The following RDX variants were observed in gnomAD, a reference collection of about 807,000 sequenced individuals.
RDX encodes the protein radixin.
RDX carries 32 observed loss-of-function variants against 83.7 expected under a neutral mutation model. The ratio of observed to expected loss-of-function variants is 0.38; its 90% CI spans 0.29 to 0.51. The LOEUF is 0.51. RDX is among the 20% of genes least tolerant of loss of function. The pLI is 0.87. For synonymous variants in RDX, 229 were observed against 222.7 expected (o/e 1.03, Z -0.25); for missense variants, 600 against 689.9 (o/e 0.87, Z 1.46).
At chr11:110,252,803 A>C (rs1340152684) in intron 9 of RDX, among the ~76,000 whole-genome samples, 2 of 152,110 alleles carry the variant, frequency 1.3e-5, no homozygotes, top group African/African-American at 4.8e-5. Context: ...TATTTTTAAG[A>C]GAAAGGGTTT....
chr11:110,278,569 T>C (rs1431339589), intron 2 of RDX, among the ~76,000 whole-genome samples: 1 of 152,184 alleles, frequency 6.6e-6, no homozygotes, highest in Middle Eastern at 3.2e-3. Flanking sequence ...CCATTGATTT[T>C]TTTTTAATAC....
rs141697308 is a variant in RDX at position 110,256,171 on chromosome 11, T to C, written c.699-786A>G. On this transcript the variant is annotated intron_variant, in intron 7 of 13. Coordinates refer to ENST00000645495, the MANE Select transcript of RDX (RefSeq NM_002906.4). ...TGTCCTAATAACTAAGACTGAGAAA[T>C]GATTTTGACACCTATACTGGCCAGA... Among the ~76,000 whole-genome samples the C allele has an allele frequency of 9.4e-3, 1,435 of 152,278 alleles. 30 individuals carry two copies. Among genetic ancestry groups the C allele is most frequent in the African/African-American group, 0.033 (1,364 of 41,556 alleles).
At chr11:110,217,082 T>C (rs1044051140) in intron 14 of RDX, among the ~76,000 whole-genome samples, 3 of 152,196 alleles carry the variant, frequency 2.0e-5, no homozygotes, top group Admixed American at 2.0e-4. Flanking sequence ...GGCATTTGCA[T>C]CTACCATCTT....
At chr11:110,223,443 C>T (rs910418706) in intron 14 of RDX, among the ~76,000 whole-genome samples, 2 of 151,894 alleles carry the variant, frequency 1.3e-5, no homozygotes, top group Admixed American at 6.6e-5. Flanking sequence ...GCAGGAGAAT[C>T]GCTTGAACCG....
chr11:110,189,757 T>C (rs1327792204), intron 15 of RDX, among the ~76,000 whole-genome samples: 5 of 152,216 alleles, frequency 3.3e-5, no homozygotes, highest in African/African-American at 4.8e-5. Context: ...TGAATGACTT[T>C]TCAGTAAACA....
chr11:110,272,448 A>G, intron 3 of RDX, 88 bp downstream of exon 3: 1 of 885,408 alleles, frequency 1.1e-6, no homozygotes, highest in Non-Finnish European at 1.9e-6. Flanking sequence ...TTGGATTATC[A>G]GCAAAAGTAC....
At chr11:110,290,808 G>C (rs1257089193) in intron 1 of RDX, among the ~76,000 whole-genome samples, 1 of 148,986 alleles carries the variant, frequency 6.7e-6, no homozygotes, top group Admixed American at 6.7e-5. Context: ...AAACAAGTCA[G>C]CTACGATGTG....
rs886047643 is a variant in RDX, at chr11:110,230,811, C to T, written c.*1058G>A. ...CGAAAGTATTTCTTGATGATCGAGGCTATGGTTATGAATTATAAAACATAT... is the reference window on the plus strand; with the variant it reads ...CGAAAGTATTTCTTGATGATCGAGGTTATGGTTATGAATTATAAAACATAT... On this transcript the variant is annotated 3_prime_UTR_variant, in exon 14 of 14. Coordinates refer to ENST00000645495, the MANE Select transcript of RDX (RefSeq NM_002906.4). 3 of 152,544 alleles carry T rather than the reference C, an allele frequency of 2.0e-5. No individual in the cohort carries two copies. Among genetic ancestry groups the T allele is most frequent in the South Asian group, 2.1e-4 (1 of 4,830 alleles). The allele number at this position is 152,544 out of a possible 1,614,324, so 9.4% of individuals were successfully genotyped here.
At chr11:110,232,235 T>C (rs960903255) in intron 13 of RDX, among the ~76,000 whole-genome samples, 8 of 152,188 alleles carry the variant, frequency 5.3e-5, no homozygotes, top group Non-Finnish European at 1.0e-4. Context: ...TTATCAACCA[T>C]GGTATTTTGT....
intron 11 of RDX, among the ~76,000 whole-genome samples, chr11:110,237,178 T>G (rs1037958686): frequency 6.6e-6 from 1 of 150,790 alleles, no homozygotes; most frequent in Non-Finnish European, 1.5e-5. Flanking sequence ...TATTAATTTA[T>G]CTAAAGCAAA....
At chr11:110,264,968 G>GT in intron 3 of RDX, 94 bp from the exon 4 acceptor site, 1 of 831,960 alleles carries the variant, frequency 1.2e-6, no homozygotes, top group South Asian at 1.4e-5. Context: ...ACAAAACTAT[G>GT]TAAGTATACG....
chr11:110,254,495 T>C (rs1343020873), intron 8 of RDX, among the ~76,000 whole-genome samples: 1 of 151,888 alleles, frequency 6.6e-6, no homozygotes, highest in African/African-American at 2.4e-5. Flanking sequence ...TTTTTTTTTT[T>C]GAGACGGAGT....
At chr11:110,244,971 T>G (rs917191169) in intron 10 of RDX, among the ~76,000 whole-genome samples, 4 of 151,492 alleles carry the variant, frequency 2.6e-5, no homozygotes, top group Non-Finnish European at 4.4e-5. Context: ...AAAGTTTTTT[T>G]TTTTTTTTTT....
chr11:110,252,702 C>T (rs1859387735), intron 9 of RDX, among the ~76,000 whole-genome samples: 1 of 152,114 alleles, frequency 6.6e-6, no homozygotes, highest in South Asian at 2.1e-4. Flanking sequence ...AAGATTAGAA[C>T]CACAATGTAA....
intron 3 of RDX, among the ~76,000 whole-genome samples, chr11:110,267,515 A>C (rs1160831979): frequency 7.6e-6 from 1 of 131,388 alleles, no homozygotes; most frequent in African/African-American, 2.9e-5. Context: ...TCCGTCTCAA[A>C]ACACACACAC....
chr11:110,254,069 C>A lies in RDX; in HGVS notation c.836G>T (p.Arg279Leu), dbSNP rs150863373. The change falls in exon 9 of 14, where the codon CGG becomes CTG. Residue 279 changes from arginine (R) to leucine (L), a missense_variant. By Grantham distance (102) the Arg-to-Leu change is moderately radical. Transcript: ENST00000645495. ...FYAPRLRINK[R>L]ILALCMGNHE... ...GTTTCCCATACATAAGGCCAAAATC[C>A]GCTTATTGATTCTCAGACGAGGTGC... The A allele has an allele frequency of 6.2e-7, 1 of 1,613,636 alleles. No individual in the cohort carries two copies. Among genetic ancestry groups the A allele is most frequent in the African/African-American group, 1.3e-5 (1 of 75,012 alleles).
chr11:110,178,612 G>A (rs146575288), intron 15 of RDX, among the ~76,000 whole-genome samples: 10 of 152,292 alleles, frequency 6.6e-5, no homozygotes, highest in African/African-American at 2.4e-4. Flanking sequence ...AAGTCCCAAA[G>A]GTTGATAGAT....
Position 110,254,110 on chromosome 11 carries a change from CTAAACA to C in RDX, c.796-7_796-2del, listed in dbSNP as rs1457030821. The stretch of plus-strand genomic sequence containing the variant: ...GACGAGGTGCATAAAACACAAAATC[CTAAACA>C]TAAAGTATTCTGAATTTAAAATCTT... On this transcript the variant is annotated splice_acceptor_variant and splice_polypyrimidine_tract_variant and intron_variant, in intron 8 of 13. Coordinates refer to ENST00000645495, the MANE Select transcript of RDX (RefSeq NM_002906.4). LOFTEE classifies it high-confidence loss of function. The C allele has an allele frequency of 6.2e-6, 10 of 1,612,638 alleles. No individual in the cohort carries two copies. Among genetic ancestry groups the C allele is most frequent in the African/African-American group, 1.3e-5 (1 of 74,986 alleles).
intron 15 of RDX, chr11:110,195,551 A>T (rs1467953383): frequency 6.6e-6 from 1 of 152,210 alleles, no homozygotes; most frequent in East Asian, 1.9e-4. Context: ...GTGCGCAGTA[A>T]GGCTCAGGCT....
Sources: gnomAD v4.1 joint callset for allele counts (sites outside exome capture counted in the v4.1 genomes callset) on GRCh38, gnomAD v4.1.1 for gene constraint, MANE v1.5 for transcripts, NCBI Gene and HGNC (gene_info 2026-07-23, HGNC 2026-07-21) for gene names.